The following NXPE4 variants were observed in gnomAD, a reference collection of about 807,000 sequenced individuals.
NXPE4 encodes neurexophilin and PC-esterase domain family member 4, also known as NXPE family member 4.
In NXPE4, 42 loss-of-function variants were observed where a neutral mutation model predicts 33.3. The ratio of observed to expected loss-of-function variants is 1.26; its 90% confidence interval spans 0.98 to 1.63. NXPE4 has a LOEUF of 1.63. NXPE4 is among the 40% of genes most tolerant of loss of function. The pLI, the probability that NXPE4 is intolerant of heterozygous loss-of-function variation, is 0.00. For synonymous variants in NXPE4, 253 were observed against 234.9 expected, an observed-to-expected ratio of 1.08 and a Z score of -0.71; for missense variants, 709 against 647.6, an observed-to-expected ratio of 1.09 and a Z score of -1.03.
At chr11:114,610,897 T>G in the NXPE4 span, among the ~76,000 whole-genome samples, 1 of 148,446 alleles carries the variant, frequency 6.7e-6, no homozygotes, top group Non-Finnish European at 1.5e-5. Context: ...TCATGGGTAA[T>G]CAATGGTACC....
the NXPE4 span, among the ~76,000 whole-genome samples, chr11:114,675,618 T>A: frequency 6.6e-6 from 1 of 151,786 alleles, no homozygotes; most frequent in Non-Finnish European, 1.5e-5. Context: ...CTTCATAGAA[T>A]GATATCCTGT....
chr11:114,606,765 G>T, the NXPE4 span, among the ~76,000 whole-genome samples: 3 of 151,884 alleles, frequency 2.0e-5, no homozygotes, highest in Non-Finnish European at 2.9e-5. Context: ...TACCACAGGG[G>T]TAACCACTAT....
chr11:114,594,233 C>T (rs1202936484), intron 2 of NXPE4, among the ~76,000 whole-genome samples: 2 of 152,044 alleles, frequency 1.3e-5, no homozygotes, highest in Non-Finnish European at 2.9e-5. Context: ...AATGAATACC[C>T]CATTTACCCT....
chr11:114,644,291 G>A, the NXPE4 span, among the ~76,000 whole-genome samples: 2 of 152,192 alleles, frequency 1.3e-5, no homozygotes, highest in African/African-American at 2.4e-5. Flanking sequence ...CCAATACTAC[G>A]TTGAATAGGA....
the NXPE4 span, among the ~76,000 whole-genome samples, chr11:114,611,043 ATAAGTGTTGCGTCATGGG>A: frequency 6.6e-6 from 1 of 151,756 alleles, no homozygotes; most frequent in East Asian, 2.0e-4. Flanking sequence ...TCTGTGGATT[ATAAGTGTTGCGTCATGGG>A]TAACCACTGT....
the NXPE4 span, among the ~76,000 whole-genome samples, chr11:114,671,076 AAT>A: frequency 6.8e-6 from 1 of 146,708 alleles, no homozygotes; most frequent in East Asian, 2.0e-4. Context: ...CATAAATATA[AAT>A]ATATATATAA....
chr11:114,670,029 C>T, the NXPE4 span, among the ~76,000 whole-genome samples: 1 of 152,032 alleles, frequency 6.6e-6, no homozygotes, highest in East Asian at 1.9e-4. Flanking sequence ...GAGGAAACTG[C>T]ACAAAGACAT....
the NXPE4 span, among the ~76,000 whole-genome samples, chr11:114,635,512 G>A: frequency 6.6e-6 from 1 of 152,108 alleles, no homozygotes; most frequent in Non-Finnish European, 1.5e-5. Flanking sequence ...ATGAATAGGA[G>A]TGGTGAGAGA....
the NXPE4 span, among the ~76,000 whole-genome samples, chr11:114,611,823 G>A: frequency 8.5e-3 from 1,291 of 151,950 alleles, 6 homozygotes; most frequent in Middle Eastern, 0.014. Flanking sequence ...ACTGTTACCC[G>A]GTGGATAATA....
chr11:114,607,109 T>C, the NXPE4 span, among the ~76,000 whole-genome samples: 1 of 151,852 alleles, frequency 6.6e-6, no homozygotes, highest in African/African-American at 2.4e-5. Context: ...GAGTAACCAC[T>C]GTTACCCGGT....
At chr11:114,635,424 A>G in the NXPE4 span, among the ~76,000 whole-genome samples, 1 of 151,256 alleles carries the variant, frequency 6.6e-6, no homozygotes, top group Non-Finnish European at 1.5e-5. Context: ...GGACAATTTG[A>G]CTTCCTCTTT....
the NXPE4 span, among the ~76,000 whole-genome samples, chr11:114,667,509 A>T: frequency 3.3e-5 from 5 of 152,066 alleles, no homozygotes; most frequent in African/African-American, 1.2e-4. Flanking sequence ...TTGAGTAATA[A>T]TGGATTTGTC....
At chr11:114,632,945 TATG>T in the NXPE4 span, among the ~76,000 whole-genome samples, 52 of 99,598 alleles carry the variant, frequency 5.2e-4, no homozygotes, top group South Asian at 2.3e-3. Flanking sequence ...ATATATATTA[TATG>T]ATATTTTATA....
chr11:114,645,416 A>G, the NXPE4 span, among the ~76,000 whole-genome samples: 1 of 152,238 alleles, frequency 6.6e-6, no homozygotes, highest in Admixed American at 6.5e-5. Flanking sequence ...GGCGAACTTT[A>G]AAATTTCAGG....
At chr11:114,633,388 A>G in the NXPE4 span, among the ~76,000 whole-genome samples, 8 of 144,386 alleles carry the variant, frequency 5.5e-5, no homozygotes, top group Non-Finnish European at 9.0e-5. Flanking sequence ...GTATTATATT[A>G]TATATTATAT....
chr11:114,637,734 G>A, the NXPE4 span, among the ~76,000 whole-genome samples: 1 of 151,370 alleles, frequency 6.6e-6, no homozygotes, highest in South Asian at 2.1e-4. Context: ...GCTTAGTTTG[G>A]CTGGATATGA....
chr11:114,636,724 A>C, the NXPE4 span, among the ~76,000 whole-genome samples: 1 of 152,112 alleles, frequency 6.6e-6, no homozygotes, highest in Admixed American at 6.6e-5. Flanking sequence ...TTATGTACCC[A>C]GCAGTCATTC....
chr11:114,654,080 A>G, the NXPE4 span, among the ~76,000 whole-genome samples: 4 of 152,274 alleles, frequency 2.6e-5, no homozygotes, highest in African/African-American at 9.6e-5. Context: ...TGGTGAAGGT[A>G]TGTACAAAGA....
At chr11:114,645,814 A>G in the NXPE4 span, among the ~76,000 whole-genome samples, 1 of 152,210 alleles carries the variant, frequency 6.6e-6, no homozygotes, top group Admixed American at 6.5e-5. Flanking sequence ...AATCACAGTG[A>G]CAGATGTCAT....
Sources: gnomAD v4.1 joint callset for allele counts (sites outside exome capture counted in the v4.1 genomes callset) on GRCh38, gnomAD v4.1.1 for gene constraint, MANE v1.5 for transcripts, NCBI Gene and HGNC (gene_info 2026-07-23, HGNC 2026-07-21) for gene names.